Variants in SLC7A11 observed in about 807,000 individuals in gnomAD.
SLC7A11 encodes the protein cystine/glutamate transporter.
In SLC7A11, 35 loss-of-function variants were observed where a neutral mutation model predicts 54.5. That is an observed-to-expected ratio of 0.64 (90% confidence interval 0.49 to 0.85). The LOEUF (loss-of-function observed/expected upper bound fraction) is 0.85, where lower values mean the gene tolerates loss of function less well. Among genes scored for constraint, SLC7A11 ranks in the 40% least tolerant of loss-of-function variants. The pLI, the probability that SLC7A11 is intolerant of heterozygous loss-of-function variation, is 0.00. For synonymous variants in SLC7A11, 230 were observed against 225.2 expected (o/e 1.02, Z -0.19); for missense variants, 583 against 618.1 (o/e 0.94, Z 0.60).
At chr4:138,233,691 T>C (rs1240076480) in intron 2 of SLC7A11, among the ~76,000 whole-genome samples, 1 of 152,192 alleles carries the variant, frequency 6.6e-6, no homozygotes, top group African/African-American at 2.4e-5. Flanking sequence ...CAAACAAAAC[T>C]GTTTATCCTA....
rs926379158 is a variant in SLC7A11 at position 138,166,224 on chromosome 4, T to G, written c.*5732A>C. On this transcript the variant is annotated 3_prime_UTR_variant, in exon 12 of 12. Coordinates refer to ENST00000280612, the MANE Select transcript of SLC7A11 (RefSeq NM_014331.4). ...ATGACTGTGCTTCCAAGTATGCATC[T>G]AATAAAGTTAGTTAGTAGGAAAATT... is the stretch of plus-strand genomic sequence containing the variant. 1 of 152,188 alleles carries G rather than the reference T, an allele frequency of 6.6e-6. No individual in the cohort carries two copies. The highest frequency in any genetic ancestry group is 1.5e-5 in the Non-Finnish European group (1 of 68,022). The allele number at this position is 152,188 out of a possible 1,614,324, so 9.4% of individuals were successfully genotyped here. A position where few individuals can be genotyped will look rare whatever the true frequency, so the allele number is the denominator to read the frequency against.
At chr4:138,233,188 CTT>C (rs34001412) in intron 2 of SLC7A11, among the ~76,000 whole-genome samples, 12 of 142,450 alleles carry the variant, frequency 8.4e-5, no homozygotes, top group Admixed American at 3.5e-4. Flanking sequence ...TATCTAATTT[CTT>C]TTTTTTTTTT....
In SLC7A11 at chr4:138,196,233, C is replaced by G. The variant is rs145756354; in HGVS notation, c.792-10989G>C. On this transcript the variant is annotated intron_variant, in intron 6 of 11. Transcript: ENST00000280612. ...CAGATTTAATATCAAACACAGCAGC[C>G]ACACCTGAACACTTCTCCATAAAAC... Among the ~76,000 whole-genome samples, 212 of 152,188 alleles carry G rather than the reference C, an allele frequency of 1.4e-3. 1 individual carries two copies. The highest frequency in any genetic ancestry group is 4.9e-3 in the African/African-American group (204 of 41,534).
intron 6 of SLC7A11, among the ~76,000 whole-genome samples, chr4:138,189,692 A>T (rs1736961726): frequency 6.6e-6 from 1 of 152,194 alleles, no homozygotes; most frequent in Non-Finnish European, 1.5e-5. Flanking sequence ...TAGAAAAAAC[A>T]TTCACACCAC....
At chr4:138,218,235 T>G (rs911331390) in intron 5 of SLC7A11, among the ~76,000 whole-genome samples, 2 of 152,218 alleles carry the variant, frequency 1.3e-5, no homozygotes, top group African/African-American at 4.8e-5. Flanking sequence ...AGGAATTATA[T>G]TTGTGTTGGA....
rs1286653465 is a variant in SLC7A11 at position 138,171,647 on chromosome 4, CAT to C, written c.*307_*308del. 1 of 292,140 alleles carries C rather than the reference CAT, an allele frequency of 3.4e-6. No individual in the cohort carries two copies. Among genetic ancestry groups the C allele is most frequent in the Non-Finnish European group, 6.3e-6 (1 of 159,386 alleles). 18.1% of individuals were successfully genotyped at this position (292,140 alleles called of 1,614,324 possible). A position where few individuals can be genotyped will look rare whatever the true frequency, so the allele number is the denominator to read the frequency against. On this transcript the variant is annotated 3_prime_UTR_variant, in exon 12 of 12. Coordinates refer to ENST00000280612, the MANE Select transcript of SLC7A11 (RefSeq NM_014331.4). Reference sequence around the variant, plus strand: ...ATTTGAAGGTTCTTTGCCGTGCTAACATATGTTGTAGAGAATGACCACATAGT... The same window carrying C: ...ATTTGAAGGTTCTTTGCCGTGCTAACATGTTGTAGAGAATGACCACATAGT...
At chr4:138,185,086 A>C (rs776570168) in intron 7 of SLC7A11, 35 bp downstream of exon 7, 5 of 1,610,744 alleles carry the variant, frequency 3.1e-6, no homozygotes, top group Non-Finnish European at 4.2e-6. Flanking sequence ...TCATTAACCT[A>C]AATTCCAATT....
At chr4:138,237,719 A>T (rs1394536531) in intron 1 of SLC7A11, among the ~76,000 whole-genome samples, 1 of 7,534 alleles carries the variant, frequency 1.3e-4, no homozygotes, top group African/African-American at 4.0e-4. Context: ...ATATATATAT[A>T]TATATATATA....
At chr4:138,191,057 G>T (rs1044354118) in intron 6 of SLC7A11, among the ~76,000 whole-genome samples, 1 of 152,096 alleles carries the variant, frequency 6.6e-6, no homozygotes, top group East Asian at 1.9e-4. Flanking sequence ...GCACATAGTT[G>T]CAGGGAAGGC....
rs767368764 is a variant in SLC7A11 at position 138,182,320 on chromosome 4, G to A, written c.1093C>T (p.Pro365Ser). Residue 365 changes from proline to serine, a missense_variant, in exon 9 of 12, where the codon CCT (proline) becomes TCT (serine). Physicochemically the swap from Pro to Ser is moderately conservative, Grantham distance 74. Transcript: ENST00000280612. ...ACCAAAACAATAACAGCTGGTAGAG[G>A]AGTGTGCTTGCGGACATGAATCATG... is the stretch of plus-strand genomic sequence containing the variant. ...LSMIHVRKHT[P>S]LPAVIVLHPL... 1.2e-6 allele frequency: 2 copies of A among 1,609,590 alleles called. No homozygotes were observed. Among genetic ancestry groups the A allele is most frequent in the Admixed American group, 1.7e-5 (1 of 59,878 alleles).
At chr4:138,199,652 A>C (rs1578647722) in intron 6 of SLC7A11, among the ~76,000 whole-genome samples, 1 of 152,212 alleles carries the variant, frequency 6.6e-6, no homozygotes, top group Non-Finnish European at 1.5e-5. Flanking sequence ...TTGCTATAGA[A>C]ATGGCAGCAA....
intron 2 of SLC7A11, among the ~76,000 whole-genome samples, chr4:138,234,954 A>C (rs184625469): frequency 1.3e-5 from 2 of 152,232 alleles, no homozygotes; most frequent in Admixed American, 6.5e-5. Context: ...TTATTCAAAA[A>C]TAATTTAATA....
chr4:138,182,315 T>G lies in SLC7A11; in HGVS notation c.1098A>C (p.Leu366=). 1.2e-6 allele frequency: 2 copies of G among 1,605,160 alleles called. No homozygotes were observed. The highest frequency in any genetic ancestry group is 1.7e-6 in the Non-Finnish European group (2 of 1,172,368). The change falls in exon 9 of 12, where the codon CTA becomes CTC. Residue 366 remains leucine, a synonymous_variant. Transcript: ENST00000280612. ...SMIHVRKHTP[L]PAVIVLHPLT... is the part of the protein sequence containing the mutation. ...GCATTACCAAAACAATAACAGCTGG[T>G]AGAGGAGTGTGCTTGCGGACATGAA...
chr4:138,170,235 T>TTCCA lies in SLC7A11; in HGVS notation c.*1720_*1721insTGGA, dbSNP rs1322307194. The TTCCA allele has an allele frequency of 1.1e-5, 1 of 88,382 alleles. No homozygotes were observed. Among genetic ancestry groups the TTCCA allele is most frequent in the African/African-American group, 4.2e-5 (1 of 24,052 alleles). 5.5% of individuals were successfully genotyped at this position (88,382 alleles called of 1,614,324 possible). On this transcript the variant is annotated 3_prime_UTR_variant, in exon 12 of 12. Coordinates refer to ENST00000280612, the MANE Select transcript of SLC7A11 (RefSeq NM_014331.4). Reference sequence around the variant, plus strand: ...TATATATATATATATATATAAAAAGTGTGTGTGTGTGTGTGTATATATATA... The same window carrying TTCCA: ...TATATATATATATATATATAAAAAGTTCCAGTGTGTGTGTGTGTGTATATATATA...
At position 138,236,447 on chromosome 4, in the gene SLC7A11, A is replaced by C; in HGVS notation, c.282T>G (p.Ala94=). 4.4e-6 allele frequency: 7 copies of C among 1,602,278 alleles called. No individual in the cohort carries two copies. The highest frequency in any genetic ancestry group is 5.9e-6 in the Non-Finnish European group (7 of 1,176,580). Reference sequence around the variant, plus strand: ...TTGTTCCCAATTCAGCATAAGACAAAGCTCCTGTGAAATATTTGTCACAAA... The same window carrying C: ...TTGTTCCCAATTCAGCATAAGACAACGCTCCTGTGAAATATTTGTCACAAA... ...TVCGVLSLFG[A]LSYAELGTTI... Residue 94 remains alanine, a synonymous_variant, in exon 2 of 12, where the codon GCT becomes GCG. Transcript: ENST00000280612.
intron 2 of SLC7A11, among the ~76,000 whole-genome samples, chr4:138,232,995 A>G (rs1026384874): frequency 2.6e-5 from 4 of 152,072 alleles, no homozygotes; most frequent in African/African-American, 9.6e-5. Context: ...ATCTGATACA[A>G]TTAAGAAAAT....
chr4:138,221,489 T>C (rs1304242724), intron 4 of SLC7A11, among the ~76,000 whole-genome samples: 6 of 152,208 alleles, frequency 3.9e-5, no homozygotes, highest in South Asian at 2.1e-4. Flanking sequence ...CGAGCAAATA[T>C]ACCTGCTAAT....
At chr4:138,234,437 A>G (rs914644675) in intron 2 of SLC7A11, among the ~76,000 whole-genome samples, 1 of 152,218 alleles carries the variant, frequency 6.6e-6, no homozygotes, top group Non-Finnish European at 1.5e-5. Flanking sequence ...TATTCTGCCT[A>G]TTTAAAAGGC....
At chr4:138,220,673 A>G (rs1327976237) in intron 4 of SLC7A11, among the ~76,000 whole-genome samples, 1 of 152,218 alleles carries the variant, frequency 6.6e-6, no homozygotes, top group Non-Finnish European at 1.5e-5. Context: ...AGCAGAAAAA[A>G]TGTTTCTATT....
Sources: gnomAD v4.1 joint callset for allele counts (sites outside exome capture counted in the v4.1 genomes callset) on GRCh38, gnomAD v4.1.1 for gene constraint, MANE v1.5 for transcripts, NCBI Gene and HGNC (gene_info 2026-07-23, HGNC 2026-07-21) for gene names.